Variants in HIVEP3 observed in about 807,000 individuals in gnomAD.
The protein encoded by HIVEP3 is HIVEP zinc finger 3.
In HIVEP3, 49 loss-of-function variants were observed where a neutral mutation model predicts 152.8. The ratio of observed to expected loss-of-function variants is 0.32; its 90% CI spans 0.26 to 0.41. HIVEP3 has a LOEUF of 0.41. HIVEP3 is among the 10% of genes least tolerant of loss of function. HIVEP3 has a pLI of 1.00. For synonymous variants in HIVEP3, 1,269 were observed against 1,289.0 expected (o/e 0.98, Z 0.33); for missense variants, 2,790 against 3,103.3 (o/e 0.90, Z 2.40).
intron 1 of HIVEP3, among the ~76,000 whole-genome samples, chr1:41,812,203 C>A (rs1651000538): frequency 6.6e-6 from 1 of 152,218 alleles, no homozygotes; most frequent in Admixed American, 6.5e-5. Flanking sequence ...ACAGGGCCTT[C>A]ATTAAGCAAA....
chr1:41,867,409 A>G (rs1291698830), intron 1 of HIVEP3, among the ~76,000 whole-genome samples: 2 of 152,180 alleles, frequency 1.3e-5, no homozygotes, highest in African/African-American at 2.4e-5. Context: ...CGGCAGGCAA[A>G]TTTGGCTCAC....
chr1:41,788,267 C>A (rs1373931370), intron 1 of HIVEP3, among the ~76,000 whole-genome samples: 1 of 152,188 alleles, frequency 6.6e-6, no homozygotes, highest in Non-Finnish European at 1.5e-5. Flanking sequence ...AGGAGGGGAG[C>A]AGACACCCAT....
chr1:41,829,235 A>C (rs571953736), intron 1 of HIVEP3, among the ~76,000 whole-genome samples: 1 of 152,352 alleles, frequency 6.6e-6, no homozygotes, highest in Admixed American at 6.5e-5. Context: ...CTTTTATCTA[A>C]AGACACTGCA....
upstream of HIVEP3, among the ~76,000 whole-genome samples, chr1:41,920,332 G>T (rs1464352458): frequency 6.6e-6 from 1 of 152,102 alleles, no homozygotes; most frequent in Admixed American, 6.5e-5. Flanking sequence ...ACCACAGAGA[G>T]CCTGTCACTC....
intron 1 of HIVEP3, among the ~76,000 whole-genome samples, chr1:41,860,610 G>A (rs931178066): frequency 2.6e-5 from 4 of 152,210 alleles, no homozygotes; most frequent in African/African-American, 9.7e-5. Context: ...ATTGGAAAGG[G>A]ATCTGAATGT....
At chr1:41,753,433 C>T (rs1647197860) in intron 1 of HIVEP3, among the ~76,000 whole-genome samples, 1 of 151,966 alleles carries the variant, frequency 6.6e-6, no homozygotes, top group African/African-American at 2.4e-5. Context: ...TTTGGGAGGC[C>T]GAGGTAGGAG....
intron 1 of HIVEP3, among the ~76,000 whole-genome samples, chr1:41,909,693 A>C (rs2124463483): frequency 6.6e-6 from 1 of 152,256 alleles, no homozygotes. Flanking sequence ...ATGAAAAGTG[A>C]CCACATACCA....
chr1:41,859,184 A>G (rs1180491998), intron 1 of HIVEP3, among the ~76,000 whole-genome samples: 1 of 152,180 alleles, frequency 6.6e-6, no homozygotes, highest in African/African-American at 2.4e-5. Flanking sequence ...TTACTTATTT[A>G]TCATTAGTCT....
intron 1 of HIVEP3, among the ~76,000 whole-genome samples, chr1:41,952,459 T>C (rs1645114116): frequency 6.6e-6 from 1 of 151,824 alleles, no homozygotes; most frequent in Non-Finnish European, 1.5e-5. Flanking sequence ...CATTGTGAAG[T>C]GTGTAGTGCC....
intron 1 of HIVEP3, among the ~76,000 whole-genome samples, chr1:41,706,363 C>A (rs774658814): frequency 1.3e-5 from 2 of 152,152 alleles, no homozygotes; most frequent in Admixed American, 1.3e-4. Flanking sequence ...TTCACTGCAA[C>A]CTCTGCCTCC....
intron 1 of HIVEP3, among the ~76,000 whole-genome samples, chr1:41,707,714 G>A (rs1227842864): frequency 2.0e-5 from 3 of 152,208 alleles, no homozygotes; most frequent in East Asian, 3.8e-4. Context: ...CTGTGCCCAT[G>A]AGAAAGTTAC....
chr1:41,774,488 A>T (rs189829230), intron 1 of HIVEP3, among the ~76,000 whole-genome samples: 25 of 152,354 alleles, frequency 1.6e-4, no homozygotes, highest in African/African-American at 5.8e-4. Context: ...ATGGGCAAGT[A>T]CTTAGAAGAT....
chr1:41,529,883 A>T (rs1003453213), intron 5 of HIVEP3, among the ~76,000 whole-genome samples: 2 of 127,126 alleles, frequency 1.6e-5, no homozygotes, highest in Non-Finnish European at 3.2e-5. Context: ...ACTCCCACTG[A>T]TGCATACTCC....
chr1:41,897,761 A>C (rs1246759203), intron 1 of HIVEP3, among the ~76,000 whole-genome samples: 1 of 152,140 alleles, frequency 6.6e-6, no homozygotes, highest in East Asian at 1.9e-4. Context: ...AGTTGAAAAA[A>C]ATCTCAGAAG....
At chr1:41,741,851 T>C (rs1647001575) in intron 1 of HIVEP3, among the ~76,000 whole-genome samples, 1 of 152,214 alleles carries the variant, frequency 6.6e-6, no homozygotes, top group Non-Finnish European at 1.5e-5. Flanking sequence ...CTAGAAGCCA[T>C]CCTATCTGTA....
chr1:41,973,548 AAG>A (rs1346783167), intron 1 of HIVEP3, among the ~76,000 whole-genome samples: 1 of 152,234 alleles, frequency 6.6e-6, no homozygotes, highest in African/African-American at 2.4e-5. Context: ...TGGAAAGAGA[AAG>A]AGAGAGGCAG....
chr1:42,024,831 A>C (rs1403241717), intron 1 of HIVEP3, among the ~76,000 whole-genome samples: 11 of 152,200 alleles, frequency 7.2e-5, no homozygotes, highest in Non-Finnish European at 1.5e-4. Context: ...TTTATATGAA[A>C]ATGTTTTCAT....
intron 1 of HIVEP3, among the ~76,000 whole-genome samples, chr1:41,931,603 ACAGTAT>A: frequency 6.6e-6 from 1 of 152,196 alleles, no homozygotes; most frequent in South Asian, 2.1e-4. Context: ...ATCCATGAAT[ACAGTAT>A]CTGTATTTAT....
chr1:41,791,014 C>T lies in HIVEP3; in HGVS notation c.-800-90019G>A, dbSNP rs189651178. ...CCTTTCCTGTGGAATAAAGTCCAAA[C>T]TCCCTACCACTGCAGTCACAGTCTC... On this transcript the variant is annotated intron_variant, in intron 1 of 8. Transcript: ENST00000372583. Among the ~76,000 whole-genome samples the T allele has an allele frequency of 1.6e-4, 24 of 152,188 alleles. 1 individual carries two copies. In the East Asian group the frequency reaches 4.2e-3, roughly 27 times the overall value.
Sources: gnomAD v4.1 joint callset for allele counts (sites outside exome capture counted in the v4.1 genomes callset) on GRCh38, gnomAD v4.1.1 for gene constraint, MANE v1.5 for transcripts, NCBI Gene and HGNC (gene_info 2026-07-23, HGNC 2026-07-21) for gene names.